The following PCDHGB1 variants were observed in gnomAD, a reference collection of about 807,000 sequenced individuals.
PCDHGB1 encodes protocadherin gamma subfamily B, 1.
PCDHGB1 carries 34 observed loss-of-function variants against 56.6 expected under a neutral mutation model. The ratio of observed to expected loss-of-function variants is 0.60; its 90% confidence interval spans 0.46 to 0.80. PCDHGB1 has a LOEUF of 0.80. PCDHGB1 is among the 30% of genes least tolerant of loss of function. PCDHGB1 has a pLI of 0.00. For missense variants in PCDHGB1, 1,278 were observed against 1,204.6 expected (o/e 1.06, Z -0.90); for synonymous variants, 561 against 505.9 (o/e 1.11, Z -1.46).
At position 141,351,203 on chromosome 5, in the gene PCDHGB1, G is replaced by A. The variant is rs761755247; in HGVS notation, c.943G>A (p.Val315Met). 88 of 1,613,946 alleles carry A rather than the reference G, an allele frequency of 5.5e-5. 1 individual carries two copies. In the Middle Eastern group the frequency reaches 6.6e-3, roughly 121 times the overall value. ...FEETSRYVLS[V>M]EAKDGGVHTA... ...AGAGACAAGTAGATATGTGTTGAGTGTGGAAGCTAAGGATGGAGGAGTACA... is the reference window on the plus strand; with the variant it reads ...AGAGACAAGTAGATATGTGTTGAGTATGGAAGCTAAGGATGGAGGAGTACA... The change falls in exon 1 of 4, where the codon GTG becomes ATG. Residue 315 changes from valine to methionine, a missense_variant. By Grantham distance (21) the Val-to-Met change is conservative (BLOSUM62 1). Coordinates refer to ENST00000523390, the MANE Select transcript of PCDHGB1 (RefSeq NM_018922.3).
chr5:141,381,798 CTCTTTCTTTCTT>C (rs372235829), intron 1 of PCDHGB1, among the ~76,000 whole-genome samples: 1 of 144,134 alleles, frequency 6.9e-6, no homozygotes, highest in Non-Finnish European at 1.5e-5. Flanking sequence ...AGGCAATTCC[CTCTTTCTTTCTT>C]TCTTTCTTTC....
chr5:141,350,920 C>T lies in PCDHGB1; in HGVS notation c.660C>T (p.Ser220=), dbSNP rs1280314926. 6.2e-7 allele frequency: 1 copy of T among 1,614,042 alleles called. No homozygotes were observed. Among genetic ancestry groups the T allele is most frequent in the South Asian group, 1.1e-5 (1 of 91,092 alleles). ...TAMDGGDPPL[S]GTTHIWIRVT... is the part of the protein sequence containing the mutation. ...TGGATGGCGGGGACCCGCCTCTAAG[C>T]GGCACCACCCATATCTGGATCCGAG... The change falls in exon 1 of 4, where the codon AGC becomes AGT. Residue 220 remains serine, a synonymous_variant. Transcript: ENST00000523390.
rs1177173734 is a variant in PCDHGB1, at chr5:141,491,741, G to T, written c.2410-3066G>T. 1.3e-6 allele frequency: 2 copies of T among 1,595,762 alleles called. No individual in the cohort carries two copies. On this transcript the variant is annotated intron_variant, in intron 1 of 3. Transcript: ENST00000523390. This position sits in a 1 kb window ranked among gnomAD's most constrained non-coding sequence, Gnocchi z 6.9. ...CCGCCCCGGGCGACCCCTGGGGGCG[G>T]CACTGGAGAAGCCGCCCGTCCTCAT... is the stretch of plus-strand genomic sequence containing the variant.
At position 141,485,968 on chromosome 5, in the gene PCDHGB1, T is replaced by C; in HGVS notation, c.2410-8839T>C. On this transcript the variant is annotated intron_variant, in intron 1 of 3. Coordinates refer to ENST00000523390, the MANE Select transcript of PCDHGB1 (RefSeq NM_018922.3). The surrounding 1 kb of genome is among the most constrained non-coding windows in gnomAD (Gnocchi z 5.7). The stretch of plus-strand genomic sequence containing the variant: ...CGGGCATGGTGCTCATCCAGCTCAA[T>C]GCCTCAGACCCGGACCTGGGTCCCA... 6.2e-7 allele frequency: 1 copy of C among 1,614,216 alleles called. No homozygotes were observed. The highest frequency in any genetic ancestry group is 1.1e-5 in the South Asian group (1 of 91,088).
intron 1 of PCDHGB1, chr5:141,417,798 C>G (rs2096163233): frequency 6.7e-7 from 1 of 1,486,352 alleles, no homozygotes; most frequent in African/African-American, 1.4e-5. Flanking sequence ...GCTCTTTTAG[C>G]GCGGTAGAGT....
chr5:141,401,888 TTC>T (rs1281227155), intron 1 of PCDHGB1, among the ~76,000 whole-genome samples: 3 of 152,232 alleles, frequency 2.0e-5, no homozygotes, highest in Non-Finnish European at 2.9e-5. Flanking sequence ...ATATTTTGTG[TTC>T]TTTTTCCCAA....
chr5:141,422,472 G>T, intron 1 of PCDHGB1: 2 of 1,613,680 alleles, frequency 1.2e-6, no homozygotes, highest in Non-Finnish European at 1.7e-6. Flanking sequence ...ACAGGGAGTT[G>T]GTCCAGAGCT....
chr5:141,413,054 A>G (rs2095600698), intron 1 of PCDHGB1: 1 of 981,614 alleles, frequency 1.0e-6, no homozygotes, highest in African/African-American at 1.6e-5. Flanking sequence ...AGGGAAGCTC[A>G]CTCCAGAATT....
intron 1 of PCDHGB1, chr5:141,365,365 C>A (rs761258930): frequency 6.2e-7 from 1 of 1,613,928 alleles, no homozygotes. Context: ...ACAATGCCCC[C>A]GAAGTGATCC....
In PCDHGB1 at chr5:141,376,620, C is replaced by T. The variant is rs2150087257; in HGVS notation, c.2409+23951C>T. The stretch of plus-strand genomic sequence containing the variant: ...TTATAGAAGCGAACCTCTTTTGGTA[C>T]AGGAAGATTCGTGATTTTGTAAAGT... On this transcript the variant is annotated intron_variant, in intron 1 of 3. Transcript: ENST00000523390. 2.9e-6 allele frequency: 4 copies of T among 1,360,830 alleles called. No homozygotes were observed. In the East Asian group the frequency reaches 7.4e-5, roughly 25 times the overall value. The allele number at this position is 1,360,830 out of a possible 1,614,324, so 84.3% of individuals were successfully genotyped here. A position where few individuals can be genotyped will look rare whatever the true frequency, so the allele number is the denominator to read the frequency against.
intron 1 of PCDHGB1, chr5:141,441,447 C>T: frequency 6.2e-6 from 1 of 161,550 alleles, no homozygotes. Flanking sequence ...CCAGCCCAAG[C>T]ATCACCCTAC....
intron 1 of PCDHGB1, chr5:141,389,112 C>A (rs376966829): frequency 1.5e-5 from 25 of 1,613,966 alleles, no homozygotes; most frequent in Non-Finnish European, 2.0e-5. Context: ...TGTTCTAGAC[C>A]GCGAGCAGAA....
chr5:141,510,825 G>C, intron 3 of PCDHGB1, 122 bp from the exon 4 acceptor site: 2 of 1,566,486 alleles, frequency 1.3e-6, no homozygotes, highest in Non-Finnish European at 1.7e-6. Flanking sequence ...TATATTCCCA[G>C]TGCTCAGCGT....
At chr5:141,451,060 C>T (rs1241509553) in intron 1 of PCDHGB1, among the ~76,000 whole-genome samples, 1 of 151,562 alleles carries the variant, frequency 6.6e-6, no homozygotes, top group African/African-American at 2.4e-5. Context: ...GAACTCCTGA[C>T]CTTGTGATCC....
At position 141,352,620 on chromosome 5, in the gene PCDHGB1, C is replaced by T. The variant is rs368592075; in HGVS notation, c.2360C>T (p.Ala787Val). 1.8e-5 allele frequency: 29 copies of T among 1,612,472 alleles called. No homozygotes were observed. Among genetic ancestry groups the T allele is most frequent in the Non-Finnish European group, 2.3e-5 (27 of 1,179,182 alleles). The change falls in exon 1 of 4, where the codon GCC becomes GTC. Residue 787 changes from alanine to valine, a missense_variant. By Grantham distance (64) the Ala-to-Val change is moderately conservative. Transcript: ENST00000523390. ...GATGATCCTTCTATGGTTGTATGTGCCAGTAATGAAGATCACAAAATCGCT... is the reference window on the plus strand; with the variant it reads ...GATGATCCTTCTATGGTTGTATGTGTCAGTAATGAAGATCACAAAATCGCT... Reference protein sequence around the residue: ...LCDDPSMVVCASNEDHKIAYD... With the variant: ...LCDDPSMVVCVSNEDHKIAYD...
At chr5:141,362,507 C>G in intron 1 of PCDHGB1, 1 of 1,613,994 alleles carries the variant, frequency 6.2e-7, no homozygotes, top group Non-Finnish European at 8.5e-7. Context: ...GAACAAAATA[C>G]AAATCATGGA....
At chr5:141,398,764 A>G in intron 1 of PCDHGB1, 2 of 1,613,924 alleles carry the variant, frequency 1.2e-6, no homozygotes, top group East Asian at 4.5e-5. Context: ...TTTAGTCCTG[A>G]CTGCCTTGGA....
At chr5:141,392,633 A>T (rs2092567816) in intron 1 of PCDHGB1, 1 of 610,728 alleles carries the variant, frequency 1.6e-6, no homozygotes, top group African/African-American at 1.9e-5. Flanking sequence ...CTCAGATCTC[A>T]CACCTCACGA....
intron 1 of PCDHGB1, among the ~76,000 whole-genome samples, chr5:141,363,429 T>A (rs1762921344): frequency 6.6e-6 from 1 of 152,366 alleles, no homozygotes; most frequent in Admixed American, 6.5e-5. Context: ...TGTCTCAACA[T>A]AGAAAGGTCA....
Sources: gnomAD v4.1 joint callset for allele counts (sites outside exome capture counted in the v4.1 genomes callset) on GRCh38, gnomAD v4.1.1 for gene constraint, Gnocchi (gnomAD v3.1) non-coding constraint, MANE v1.5 for transcripts, NCBI Gene and HGNC (gene_info 2026-07-23, HGNC 2026-07-21) for gene names.